Variants in TAFA1 observed in about 807,000 individuals in gnomAD.
TAFA1 encodes the protein TAFA chemokine like family member 1, also known as chemokine-like protein TAFA-1.
In TAFA1, 4 loss-of-function variants were observed where a neutral mutation model predicts 18.5. That is an observed-to-expected ratio of 0.22 (90% CI 0.11 to 0.49). The LOEUF is 0.49. Ranked by LOEUF, TAFA1 falls within the 20% of genes least tolerant of loss-of-function variation. The probability of loss-of-function intolerance (pLI) is 0.98; values close to 1 mark genes in which losing one functional copy is unlikely to be tolerated. For missense variants in TAFA1, 147 were observed against 169.0 expected (o/e 0.87, Z 0.72); for synonymous variants, 56 against 55.2 (o/e 1.01, Z -0.06).
intron 2 of TAFA1, chr3:68,145,457 G>A: frequency 2.3e-6 from 2 of 875,006 alleles, no homozygotes; most frequent in South Asian, 1.3e-5. Context: ...ATTAGAACAA[G>A]GATGGCAAGT....
At chr3:68,241,911 A>T (rs1191454666) in intron 2 of TAFA1, among the ~76,000 whole-genome samples, 3 of 152,206 alleles carry the variant, frequency 2.0e-5, no homozygotes, top group Non-Finnish European at 4.4e-5. Context: ...GTAATTGGAA[A>T]ATCTTGAAGT....
chr3:68,202,747 C>T, intron 2 of TAFA1, among the ~76,000 whole-genome samples: 1 of 151,392 alleles, frequency 6.6e-6, no homozygotes. Flanking sequence ...TATATATAAG[C>T]AAAAATAAGT....
chr3:68,336,782 G>C (rs9825015), intron 2 of TAFA1, among the ~76,000 whole-genome samples: 1 of 152,134 alleles, frequency 6.6e-6, no homozygotes, highest in Non-Finnish European at 1.5e-5. Flanking sequence ...GGAGTGCTGT[G>C]GCACGATCTC....
intron 2 of TAFA1, among the ~76,000 whole-genome samples, chr3:68,397,067 A>C (rs775047201): frequency 1.3e-5 from 2 of 152,130 alleles, no homozygotes; most frequent in Non-Finnish European, 2.9e-5. Context: ...ACTTAAACAA[A>C]ACTATGGAGG....
At chr3:68,265,673 G>C (rs1283639527) in intron 2 of TAFA1, among the ~76,000 whole-genome samples, 1 of 152,182 alleles carries the variant, frequency 6.6e-6, no homozygotes, top group Admixed American at 6.5e-5. Context: ...CTTACAGCTG[G>C]TTGGAAGGAG....
At chr3:68,003,209 C>A (rs528420928), upstream of TAFA1, among the ~76,000 whole-genome samples, 2 of 152,130 alleles carry the variant, frequency 1.3e-5, no homozygotes, top group Admixed American at 1.3e-4. Context: ...GCAAGACTGA[C>A]GAGTCTGAAG....
At chr3:68,232,797 T>A (rs2066887292) in intron 2 of TAFA1, among the ~76,000 whole-genome samples, 1 of 152,056 alleles carries the variant, frequency 6.6e-6, no homozygotes, top group South Asian at 2.1e-4. Flanking sequence ...AGAGATGAGG[T>A]CTCGTTACGT....
At chr3:67,999,141 C>A in the TAFA1 span, among the ~76,000 whole-genome samples, 3 of 152,242 alleles carry the variant, frequency 2.0e-5, no homozygotes, top group South Asian at 2.1e-4. Flanking sequence ...GCACTTCTGA[C>A]GTTTCAAATG....
intron 2 of TAFA1, among the ~76,000 whole-genome samples, chr3:68,401,378 C>G (rs973337031): frequency 1.3e-5 from 2 of 152,188 alleles, no homozygotes; most frequent in Non-Finnish European, 2.9e-5. Flanking sequence ...CCTCATGGCT[C>G]TTTGTATTGT....
intron 2 of TAFA1, among the ~76,000 whole-genome samples, chr3:68,278,578 G>C (rs1301926749): frequency 2.6e-5 from 4 of 152,068 alleles, no homozygotes; most frequent in Non-Finnish European, 4.4e-5. Flanking sequence ...TTTCTGTCTA[G>C]TGCAGAGATA....
At chr3:68,012,088 C>T (rs926427529) in intron 2 of TAFA1, among the ~76,000 whole-genome samples, 1 of 152,124 alleles carries the variant, frequency 6.6e-6, no homozygotes, top group African/African-American at 2.4e-5. Context: ...CTTAAGAAGA[C>T]AATTTGAACT....
intron 2 of TAFA1, among the ~76,000 whole-genome samples, chr3:68,304,137 C>G (rs2068362760): frequency 6.6e-6 from 1 of 152,088 alleles, no homozygotes; most frequent in Non-Finnish European, 1.5e-5. Context: ...GTATTCTAAC[C>G]ATATTTTCAT....
chr3:68,071,265 AAG>A (rs1361052156), intron 2 of TAFA1, among the ~76,000 whole-genome samples: 1 of 152,232 alleles, frequency 6.6e-6, no homozygotes, highest in Non-Finnish European at 1.5e-5. Context: ...GCAGCAGGCA[AAG>A]AGAGAGCTTG....
At chr3:68,328,811 T>G (rs977154795) in intron 2 of TAFA1, among the ~76,000 whole-genome samples, 2 of 152,006 alleles carry the variant, frequency 1.3e-5, no homozygotes, top group African/African-American at 4.8e-5. Flanking sequence ...ACAGATGAAC[T>G]TGAACTAGAA....
At chr3:68,153,013 G>A (rs1403112682) in intron 2 of TAFA1, among the ~76,000 whole-genome samples, 4 of 152,232 alleles carry the variant, frequency 2.6e-5, no homozygotes, top group South Asian at 4.1e-4. Context: ...GTCCCCAAAG[G>A]GAAGTTGAGT....
intron 2 of TAFA1, among the ~76,000 whole-genome samples, chr3:68,391,618 G>A (rs537215676): frequency 1.3e-5 from 2 of 152,258 alleles, no homozygotes; most frequent in Admixed American, 6.5e-5. Flanking sequence ...GAGAAAGGTC[G>A]GGTTACCCAC....
chr3:68,148,538 G>A (rs1207970634), intron 2 of TAFA1, among the ~76,000 whole-genome samples: 1 of 152,220 alleles, frequency 6.6e-6, no homozygotes, highest in Non-Finnish European at 1.5e-5. Flanking sequence ...AATGACAGGT[G>A]TTTGAGAAAG....
intron 2 of TAFA1, among the ~76,000 whole-genome samples, chr3:68,405,749 A>C (rs1575839305): frequency 7.1e-6 from 1 of 141,318 alleles, no homozygotes; most frequent in East Asian, 2.1e-4. Flanking sequence ...AAGACTAGAC[A>C]AAGTGAGTAT....
chr3:68,444,774 ATATATATATAT>A, intron 3 of TAFA1, among the ~76,000 whole-genome samples: 2 of 3,204 alleles, frequency 6.2e-4, no homozygotes, highest in Admixed American at 5.5e-3. Flanking sequence ...TCTACAAAAT[ATATATATATAT>A]ATATATATAT....
Sources: gnomAD v4.1 joint callset for allele counts (sites outside exome capture counted in the v4.1 genomes callset) on GRCh38, gnomAD v4.1.1 for gene constraint, MANE v1.5 for transcripts, NCBI Gene and HGNC (gene_info 2026-07-23, HGNC 2026-07-21) for gene names.